Variants in NTRK2 observed in about 807,000 individuals in gnomAD.
NTRK2 encodes the protein BDNF/NT-3 growth factors receptor.
A neutral mutation model predicts 94.5 loss-of-function variants in NTRK2; 13 were observed. That is an observed-to-expected ratio of 0.14 (90% confidence interval 0.09 to 0.22). NTRK2 has a LOEUF of 0.22. Ranked by LOEUF, NTRK2 falls within the 10% of genes least tolerant of loss-of-function variation. The probability of loss-of-function intolerance (pLI) is 1.00; values close to 1 mark genes in which losing one functional copy is unlikely to be tolerated. For synonymous variants in NTRK2, 372 were observed against 407.4 expected (o/e 0.91, Z 1.05); for missense variants, 639 against 1,071.2 (o/e 0.60, Z 5.63).
intron 5 of NTRK2, among the ~76,000 whole-genome samples, chr9:84,708,749 G>A (rs1347007186): frequency 6.6e-6 from 1 of 152,212 alleles, no homozygotes; most frequent in Non-Finnish European, 1.5e-5. Context: ...AGGAAATTGT[G>A]CAGATTGGAA....
intron 6 of NTRK2, 36 bp from the exon 7 acceptor site, chr9:84,723,537 T>C (rs773892526): frequency 9.3e-6 from 15 of 1,612,998 alleles, no homozygotes; most frequent in Non-Finnish European, 1.3e-5. Context: ...ATTTAACTAT[T>C]TGCATATGCC....
intron 9 of NTRK2, among the ~76,000 whole-genome samples, chr9:84,728,454 T>A (rs1247094767): frequency 6.6e-6 from 1 of 152,234 alleles, no homozygotes; most frequent in South Asian, 2.1e-4. Context: ...GTTATTATTA[T>A]TATTTCCATC....
chr9:84,720,723 G>A, intron 6 of NTRK2, among the ~76,000 whole-genome samples: 1 of 152,034 alleles, frequency 6.6e-6, no homozygotes, highest in African/African-American at 2.4e-5. Flanking sequence ...AAAAATTCAA[G>A]AAATGATTAT....
At chr9:84,689,052 A>C (rs1039291675) in intron 2 of NTRK2, among the ~76,000 whole-genome samples, 18 of 152,258 alleles carry the variant, frequency 1.2e-4, no homozygotes, top group African/African-American at 4.3e-4. Flanking sequence ...AAGTGAGCTG[A>C]TGCATGTAGA....
intron 9 of NTRK2, among the ~76,000 whole-genome samples, chr9:84,737,682 A>G (rs1307307712): frequency 6.6e-6 from 1 of 151,780 alleles, no homozygotes; most frequent in Admixed American, 6.6e-5. Context: ...GTGCATGTAC[A>G]GGTTTGTTAC....
chr9:84,756,331 G>A (rs1438171496), intron 12 of NTRK2, among the ~76,000 whole-genome samples: 4 of 152,154 alleles, frequency 2.6e-5, no homozygotes, highest in Admixed American at 2.0e-4. Flanking sequence ...TCCTGGCTCC[G>A]TGTCTTCACT....
rs1564190590 is a variant in NTRK2, at chr9:84,752,104, A to G, written c.1396+19A>G. The G allele has an allele frequency of 1.3e-6, 2 of 1,586,360 alleles. No individual in the cohort carries two copies. Among genetic ancestry groups the G allele is most frequent in the Non-Finnish European group, 1.7e-6 (2 of 1,154,974 alleles). The stretch of plus-strand genomic sequence containing the variant: ...ATGAAAGGTAAGAAGGGTTGTGTTT[A>G]TTTAGCTTCTTATGTGGATCATTTT... On this transcript the variant is annotated intron_variant, in intron 12 of 18. Coordinates refer to ENST00000277120, the MANE Select transcript of NTRK2 (RefSeq NM_006180.6).
intron 10 of NTRK2, among the ~76,000 whole-genome samples, chr9:84,742,168 C>A (rs557481936): frequency 2.0e-5 from 3 of 152,176 alleles, no homozygotes; most frequent in African/African-American, 4.8e-5. Context: ...GAATCCATTC[C>A]GCTGGCTGTA....
chr9:84,732,408 T>C (rs749615144), intron 9 of NTRK2, among the ~76,000 whole-genome samples: 3 of 152,134 alleles, frequency 2.0e-5, no homozygotes, highest in Non-Finnish European at 4.4e-5. Flanking sequence ...GGGATGGGAG[T>C]TGGGCTTTGG....
chr9:85,023,463 A>G lies in NTRK2; in HGVS notation c.*2026A>G, dbSNP rs201868250. On this transcript the variant is annotated 3_prime_UTR_variant, in exon 19 of 19. Transcript: ENST00000277120. ...ATTCAAAAGTGCAAATTAACAGAAC[A>G]AAAGGAAATCCAGTAGCAACTGCAG... 1.3e-5 allele frequency: 3 copies of G among 232,542 alleles called. No individual in the cohort carries two copies. Among genetic ancestry groups the G allele is most frequent in the Non-Finnish European group, 2.5e-5 (3 of 117,652 alleles). The allele number at this position is 232,542 out of a possible 1,614,324, so 14.4% of individuals were successfully genotyped here. A position where few individuals can be genotyped will look rare whatever the true frequency, so the allele number is the denominator to read the frequency against.
At chr9:84,798,406 T>G (rs1250131418) in intron 12 of NTRK2, among the ~76,000 whole-genome samples, 1 of 152,212 alleles carries the variant, frequency 6.6e-6, no homozygotes, top group Admixed American at 6.5e-5. Flanking sequence ...GTTCTGTTTC[T>G]GTCTTCAGCT....
chr9:84,841,590 C>G (rs1156386737), intron 12 of NTRK2, among the ~76,000 whole-genome samples: 1 of 152,174 alleles, frequency 6.6e-6, no homozygotes, highest in African/African-American at 2.4e-5. Flanking sequence ...TGTTTTTCTC[C>G]TCTCCTTCAG....
intron 12 of NTRK2, among the ~76,000 whole-genome samples, chr9:84,833,631 G>T (rs951403294): frequency 1.3e-5 from 2 of 148,670 alleles, no homozygotes; most frequent in Admixed American, 1.3e-4. Flanking sequence ...AGAAAGAAAG[G>T]CAGGAAGGAA....
In NTRK2 at chr9:84,670,845, C is replaced by G; in HGVS notation, c.97C>G (p.Pro33Ala). 6.2e-7 allele frequency: 1 copy of G among 1,614,082 alleles called. No individual in the cohort carries two copies. The highest frequency in any genetic ancestry group is 8.5e-7 in the Non-Finnish European group (1 of 1,180,032). The change falls in exon 2 of 19, where the codon CCC (proline) becomes GCC (alanine). Residue 33 changes from proline (P) to alanine (A), a missense_variant. Around this residue, in one of 5 missense-constraint regions of NTRK2, gnomAD observed 206 missense variants for 251.5 expected, o/e 0.82. Transcript: ENST00000277120. ...CTTCTGGAGGGCCGCTTTCGCCTGT[C>G]CCACGTCCTGCAAATGCAGTGCCTC... is the stretch of plus-strand genomic sequence containing the variant. ...VGFWRAAFAC[P>A]TSCKCSASRI... is the part of the protein sequence containing the mutation.
rs1222495152 is a variant in NTRK2, at chr9:84,867,364, C to T, written c.1566C>T (p.Thr522=). 1 of 1,613,776 alleles carries T rather than the reference C, an allele frequency of 6.2e-7. No individual in the cohort carries two copies. Among genetic ancestry groups the T allele is most frequent in the South Asian group, 1.1e-5 (1 of 91,082 alleles). Residue 522 remains threonine, a synonymous_variant, in exon 14 of 19, where the codon ACC becomes ACT. Transcript: ENST00000277120. The part of the protein sequence containing the change: ...GGPDAVIIGM[T]KIPVIENPQY... The stretch of plus-strand genomic sequence containing the variant: ...CAGATGCTGTCATTATTGGAATGAC[C>T]AAGATCCCTGTCATTGAAAATCCCC...
chr9:84,875,147 G>A, intron 14 of NTRK2: 1 of 1,059,678 alleles, frequency 9.4e-7, no homozygotes, highest in South Asian at 4.6e-5. Context: ...GTAATATAAA[G>A]TCTGACCATA....
At chr9:84,891,153 G>C (rs2076581928) in intron 14 of NTRK2, among the ~76,000 whole-genome samples, 1 of 151,978 alleles carries the variant, frequency 6.6e-6, no homozygotes, top group African/African-American at 2.4e-5. Context: ...AGGGAATTCG[G>C]CTGGAATTGT....
chr9:84,954,339 G>A lies in NTRK2; in HGVS notation c.1938-944G>A, dbSNP rs1046988742. 3.3e-5 allele frequency among the ~76,000 whole-genome samples: 5 copies of A among 152,318 alleles called. No individual in the cohort carries two copies. The East Asian group carries it at 7.7e-4, about 24-fold the overall frequency. ...CACAGCAGAGCCTGCCGCGCTGAGG[G>A]CGGCATCCTAAGACGCGGATCCTCC... On this transcript the variant is annotated intron_variant, in intron 16 of 18. Coordinates refer to ENST00000277120, the MANE Select transcript of NTRK2 (RefSeq NM_006180.6).
intron 17 of NTRK2, among the ~76,000 whole-genome samples, chr9:84,993,000 A>G (rs1488795220): frequency 6.6e-6 from 1 of 151,816 alleles, no homozygotes; most frequent in African/African-American, 2.4e-5. Flanking sequence ...TCAAGCCAAT[A>G]GGCATTTCCA....
Sources: gnomAD v4.1 joint callset for allele counts (sites outside exome capture counted in the v4.1 genomes callset) on GRCh38, gnomAD v4.1.1 for gene constraint, gnomAD v4.1.1 regional missense constraint, MANE v1.5 for transcripts, NCBI Gene and HGNC (gene_info 2026-07-23, HGNC 2026-07-21) for gene names.